Variants in SCUBE1 observed in about 807,000 individuals in gnomAD.
The protein encoded by SCUBE1 is signal peptide, CUB domain and EGF like domain containing 1, also known as signal peptide, CUB and EGF-like domain-containing protein 1.
In SCUBE1, 59 loss-of-function variants were observed where a neutral mutation model predicts 124.4. The observed-to-expected ratio is 0.47, with a 90% CI of 0.38 to 0.59. The LOEUF (loss-of-function observed/expected upper bound fraction) is 0.59, where lower values mean the gene tolerates loss of function less well. Among genes scored for constraint, SCUBE1 ranks in the 20% least tolerant of loss-of-function variants. SCUBE1 has a pLI of 0.00. For missense variants in SCUBE1, 1,150 were observed against 1,371.2 expected, an observed-to-expected ratio of 0.84 and a Z score of 2.55; for synonymous variants, 545 against 550.9, an observed-to-expected ratio of 0.99 and a Z score of 0.15.
At chr22:43,205,965 C>T (rs542462173) in intron 21 of SCUBE1, among the ~76,000 whole-genome samples, 1 of 135,824 alleles carries the variant, frequency 7.4e-6, no homozygotes, top group Admixed American at 7.3e-5. Context: ...ACCACACTCA[C>T]CCCACCTCTA....
chr22:43,258,460 G>A lies in SCUBE1; in HGVS notation c.611-125C>T, dbSNP rs733181. The A allele has an allele frequency of 0.13, 97,502 of 734,262 alleles. 9,359 individuals are homozygous for A. The highest frequency in any genetic ancestry group is 0.38 in the East Asian group (15,409 of 40,302). 45.5% of individuals were successfully genotyped at this position (734,262 alleles called of 1,614,324 possible). ...AGGCCTAAGGGCATCAGTGGGTAGG[G>A]TCATGAGGCTCGCCGGGCAACGGGG... On this transcript the variant is annotated intron_variant, in intron 5 of 21. Transcript: ENST00000360835. This position sits in a 1 kb window ranked among gnomAD's most constrained non-coding sequence, Gnocchi z 5.0.
chr22:43,231,547 G>A (rs948265247), intron 8 of SCUBE1, among the ~76,000 whole-genome samples: 2 of 152,156 alleles, frequency 1.3e-5, no homozygotes, highest in Non-Finnish European at 2.9e-5. Flanking sequence ...TGGGACATGT[G>A]CTGAAGCCCT....
In SCUBE1 at chr22:43,210,289, G is replaced by A; in HGVS notation, c.2384-49C>T. On this transcript the variant is annotated intron_variant, in intron 18 of 21. Transcript: ENST00000360835. The surrounding 1 kb of genome is among the most constrained non-coding windows in gnomAD (Gnocchi z 4.5). ...CCTCATCAGGCTCTGCTGGGCAGGG[G>A]CCCTGGCCGGCCAGGCCTCTAACCA... 5.5e-6 allele frequency: 8 copies of A among 1,449,586 alleles called. No homozygotes were observed. The highest frequency in any genetic ancestry group is 7.3e-6 in the Non-Finnish European group (8 of 1,100,520). 89.8% of individuals were successfully genotyped at this position (1,449,586 alleles called of 1,614,324 possible). A position where few individuals can be genotyped will look rare whatever the true frequency, so the allele number is the denominator to read the frequency against.
In SCUBE1 at chr22:43,300,071, C is replaced by T. The variant is rs185550552; in HGVS notation, c.350-8891G>A. Among the ~76,000 whole-genome samples, 1,238 of 152,238 alleles carry T rather than the reference C, an allele frequency of 8.1e-3. 9 individuals carry two copies. The highest frequency in any genetic ancestry group is 0.013 in the Non-Finnish European group (901 of 68,020). ...GTGCTGGCTTTGTGGCTGTTATGAA[C>T]GGTGCTGCTGAACACTGTGTGTAAG... On this transcript the variant is annotated intron_variant, in intron 3 of 21. Transcript: ENST00000360835.
At chr22:43,227,870 C>T (rs553960683) in intron 9 of SCUBE1, among the ~76,000 whole-genome samples, 5 of 152,286 alleles carry the variant, frequency 3.3e-5, no homozygotes, top group East Asian at 1.9e-4. Context: ...CTGGACAAGC[C>T]CTTTTCTAGC....
chr22:43,220,662 G>C lies in SCUBE1; in HGVS notation c.1550-75C>G, dbSNP rs1210060649. On this transcript the variant is annotated intron_variant, in intron 13 of 21. Transcript: ENST00000360835. ...AAGGTCCTACCAAGCCCTGCATACA[G>C]AGTGCCATTGGCAAGGACTTCCTGG... 6.5e-6 allele frequency: 10 copies of C among 1,547,178 alleles called. No individual in the cohort carries two copies. The East Asian group carries it at 9.1e-5, about 14-fold the overall frequency.
At position 43,207,618 on chromosome 22, in the gene SCUBE1, G is replaced by T; in HGVS notation, c.2735-5C>A. ...CTATGAGTTGCTGGTAGTCCTCTGG[G>T]CAGCGGGTCAGCAGGGGGAGAGGAA... On this transcript the variant is annotated splice_region_variant and splice_polypyrimidine_tract_variant and intron_variant, in intron 20 of 21. Transcript: ENST00000360835. 1 of 1,612,876 alleles carries T rather than the reference G, an allele frequency of 6.2e-7. No homozygotes were observed. Among genetic ancestry groups the T allele is most frequent in the Non-Finnish European group, 8.5e-7 (1 of 1,179,000 alleles).
intron 4 of SCUBE1, among the ~76,000 whole-genome samples, chr22:43,288,648 G>A (rs1925240429): frequency 6.6e-6 from 1 of 152,224 alleles, no homozygotes; most frequent in Non-Finnish European, 1.5e-5. Flanking sequence ...AGCACCGTCT[G>A]CTGCACCACC....
At chr22:43,206,128 A>C in intron 21 of SCUBE1, among the ~76,000 whole-genome samples, 1 of 76,054 alleles carries the variant, frequency 1.3e-5, no homozygotes, top group African/African-American at 5.7e-5. Flanking sequence ...CCCACCCACT[A>C]CACACACCGC....
intron 5 of SCUBE1, among the ~76,000 whole-genome samples, chr22:43,260,031 C>T (rs934975757): frequency 1.3e-5 from 2 of 152,152 alleles, no homozygotes; most frequent in Non-Finnish European, 2.9e-5. Flanking sequence ...GTGCAGATCT[C>T]AGGCGATGGG....
intron 3 of SCUBE1, among the ~76,000 whole-genome samples, chr22:43,317,806 T>A (rs772358087): frequency 5.3e-5 from 8 of 152,222 alleles, no homozygotes; most frequent in Non-Finnish European, 1.2e-4. Flanking sequence ...GTGACTTTTG[T>A]TGGAAATAAG....
chr22:43,214,046 C>CCCGGGGGGGGGGGGGGG, intron 16 of SCUBE1, 44 bp downstream of exon 16: 1 of 422,702 alleles, frequency 2.4e-6, no homozygotes, highest in Non-Finnish European at 4.1e-6. Flanking sequence ...GAGGAGCCCC[C>CCCGGGGGGGGGGGGGGG]GCCCACCCCC....
chr22:43,256,579 G>T (rs374186859), intron 6 of SCUBE1, among the ~76,000 whole-genome samples: 1 of 152,188 alleles, frequency 6.6e-6, no homozygotes, highest in Admixed American at 6.5e-5. Context: ...TTAGAAAGGA[G>T]ATCCAAGCAG....
At chr22:43,236,150 G>A (rs1330935236) in intron 7 of SCUBE1, among the ~76,000 whole-genome samples, 1 of 152,180 alleles carries the variant, frequency 6.6e-6, no homozygotes, top group East Asian at 1.9e-4. Context: ...CAAGATCAGG[G>A]TGTGCACCTG....
intron 2 of SCUBE1, among the ~76,000 whole-genome samples, chr22:43,334,468 T>G (rs1411954168): frequency 1.3e-5 from 2 of 152,164 alleles, no homozygotes; most frequent in African/African-American, 4.8e-5. Context: ...CTTTCACATC[T>G]TGAACAACAC....
chr22:43,244,062 C>G (rs1405454414), intron 6 of SCUBE1, among the ~76,000 whole-genome samples: 2 of 152,148 alleles, frequency 1.3e-5, no homozygotes, highest in African/African-American at 4.8e-5. Context: ...GTGACATGCC[C>G]CAGGTGTCAA....
intron 15 of SCUBE1, among the ~76,000 whole-genome samples, chr22:43,215,895 ACATG>A (rs1053608973): frequency 2.0e-5 from 3 of 149,748 alleles, no homozygotes; most frequent in Middle Eastern, 3.4e-3. Context: ...ACACACTCAC[ACATG>A]CATGCACACT....
At chr22:43,249,549 CTGCT>C (rs1227591112) in intron 6 of SCUBE1, among the ~76,000 whole-genome samples, 1 of 152,218 alleles carries the variant, frequency 6.6e-6, no homozygotes, top group Non-Finnish European at 1.5e-5. Context: ...GCCTCCCTGC[CTGCT>C]TTTCTCAGGA....
At chr22:43,294,632 G>A (rs968656217) in intron 3 of SCUBE1, among the ~76,000 whole-genome samples, 2 of 152,248 alleles carry the variant, frequency 1.3e-5, no homozygotes, top group South Asian at 2.1e-4. Context: ...CCTGTAGCCT[G>A]TGGGCGATGC....
Sources: gnomAD v4.1 joint callset for allele counts (sites outside exome capture counted in the v4.1 genomes callset) on GRCh38, gnomAD v4.1.1 for gene constraint, Gnocchi (gnomAD v3.1) non-coding constraint, MANE v1.5 for transcripts, NCBI Gene and HGNC (gene_info 2026-07-23, HGNC 2026-07-21) for gene names.